PCDH11X: variants seen among roughly 807,000 people sequenced by gnomAD.
PCDH11X encodes protocadherin-11 X-linked.
Under a neutral mutation model 53.3 loss-of-function variants are expected in PCDH11X, and 18 were observed. The observed-to-expected ratio is 0.34, with a 90% CI of 0.23 to 0.50. The LOEUF is 0.50. Ranked by LOEUF, PCDH11X falls within the 20% of genes least tolerant of loss-of-function variation. The probability of loss-of-function intolerance (pLI) is 0.98; values close to 1 mark genes in which losing one functional copy is unlikely to be tolerated. For missense variants in PCDH11X, 570 were observed against 1,032.4 expected, an observed-to-expected ratio of 0.55 and a Z score of 6.14; for synonymous variants, 279 against 393.3, an observed-to-expected ratio of 0.71 and a Z score of 3.44.
chrX:92,432,590 G>GA (rs2148626568), intron 9 of PCDH11X, among the ~76,000 whole-genome samples: 1 of 109,820 alleles, frequency 9.1e-6, no homozygotes, highest in Non-Finnish European at 1.9e-5. Context: ...TGTATGTATG[G>GA]AAAATAGTTG....
intron 6 of PCDH11X, among the ~76,000 whole-genome samples, chrX:91,896,335 T>C (rs1309526828): frequency 9.1e-6 from 1 of 110,141 alleles, no homozygotes; most frequent in Admixed American, 9.8e-5. Flanking sequence ...TTTCAGCATG[T>C]TGGCCAGGCT....
chrX:91,800,749 G>A (rs1157030963), intron 1 of PCDH11X, among the ~76,000 whole-genome samples: 1 of 110,945 alleles, frequency 9.0e-6, no homozygotes, highest in Non-Finnish European at 1.9e-5. Context: ...AAAACCAAAG[G>A]CAAATTAACC....
intron 10 of PCDH11X, among the ~76,000 whole-genome samples, chrX:92,575,197 A>G (rs1182919773): frequency 9.1e-6 from 1 of 110,475 alleles, no homozygotes; most frequent in African/African-American, 3.3e-5. Context: ...TACATTATGT[A>G]TGTAAATAAA....
intron 7 of PCDH11X, among the ~76,000 whole-genome samples, chrX:92,260,336 G>A (rs895218402): frequency 4.5e-5 from 5 of 110,535 alleles, no homozygotes; most frequent in Non-Finnish European, 9.5e-5. Flanking sequence ...GGAGGGCGTC[G>A]GCTGAGTTTT....
At position 92,158,651 on chromosome X, in the gene PCDH11X, T is replaced by A. The variant is rs757071226; in HGVS notation, c.3034-42724T>A. On this transcript the variant is annotated intron_variant, in intron 6 of 10. Coordinates refer to ENST00000682573, the MANE Select transcript of PCDH11X (RefSeq NM_032968.5). ...GTCTTTTTTCAGAATATATATATAT[T>A]TTTGAAACAGAGTCTAGCTCTGTCA... Among the ~76,000 whole-genome samples, 8 of 111,674 alleles carry A rather than the reference T, an allele frequency of 7.2e-5. No individual in the cohort carries two copies. In the South Asian group the frequency reaches 3.0e-3, roughly 42 times the overall value.
chrX:92,172,517 G>A lies in PCDH11X; in HGVS notation c.3034-28858G>A, dbSNP rs1343331163. Among the ~76,000 whole-genome samples the A allele has an allele frequency of 2.8e-5, 3 of 109,034 alleles. No homozygotes were observed. In the East Asian group the frequency reaches 8.7e-4, roughly 31 times the overall value. 94.7% of individuals were successfully genotyped at this position (109,034 alleles called of 115,157 possible). ...GAATCCTCCTGCCTCAGCCTACCGA[G>A]TAACTGGGACTATAGGTGTGTGCCA... On this transcript the variant is annotated intron_variant, in intron 6 of 10. Transcript: ENST00000682573.
At chrX:92,442,459 A>C (rs907042450) in intron 9 of PCDH11X, among the ~76,000 whole-genome samples, 88 of 111,610 alleles carry the variant, frequency 7.9e-4, no homozygotes, top group African/African-American at 2.6e-3. Context: ...AAGTACCACA[A>C]GATCTGATGG....
chrX:92,236,875 G>A (rs180995600), intron 7 of PCDH11X, among the ~76,000 whole-genome samples: 109 of 111,686 alleles, frequency 9.8e-4, no homozygotes, highest in African/African-American at 3.4e-3. Context: ...ATGAGATGCC[G>A]ACTTAGACAA....
At chrX:92,371,311 C>A (rs1473820794) in intron 8 of PCDH11X, among the ~76,000 whole-genome samples, 1 of 100,875 alleles carries the variant, frequency 9.9e-6, no homozygotes, top group African/African-American at 3.6e-5. Flanking sequence ...TTGCGTCTGA[C>A]CTTTTAGAGT....
chrX:92,531,980 A>G (rs2148727031), intron 10 of PCDH11X, among the ~76,000 whole-genome samples: 1 of 110,933 alleles, frequency 9.0e-6, no homozygotes, highest in South Asian at 3.8e-4. Context: ...GACAAAGTGG[A>G]CACTGGAGAA....
chrX:92,164,694 A>G (rs2065701790), intron 6 of PCDH11X, among the ~76,000 whole-genome samples: 2 of 107,913 alleles, frequency 1.9e-5, no homozygotes, highest in South Asian at 4.1e-4. Flanking sequence ...AGAATTCTAT[A>G]TATATTATCA....
intron 9 of PCDH11X, among the ~76,000 whole-genome samples, chrX:92,449,313 T>C (rs1468593930): frequency 1.8e-5 from 2 of 112,057 alleles, no homozygotes; most frequent in Admixed American, 1.9e-4. Flanking sequence ...CAATCTTCTG[T>C]ATTAGAAATT....
intron 6 of PCDH11X, among the ~76,000 whole-genome samples, chrX:91,984,773 G>T (rs1377117911): frequency 4.5e-5 from 5 of 111,512 alleles, no homozygotes; most frequent in Non-Finnish European, 9.4e-5. Flanking sequence ...ACTAACATAG[G>T]CATAGTTCCT....
intron 10 of PCDH11X, 125 bp downstream of exon 10, chrX:92,468,447 A>T: frequency 1.2e-6 from 1 of 811,105 alleles, no homozygotes; most frequent in Non-Finnish European, 1.6e-6. Context: ...TTTGCTTCAA[A>T]CACATTTTTG....
At chrX:92,385,382 G>A (rs779496914) in intron 8 of PCDH11X, among the ~76,000 whole-genome samples, 2 of 103,998 alleles carry the variant, frequency 1.9e-5, no homozygotes, top group South Asian at 4.2e-4. Flanking sequence ...ACAGAAAAAG[G>A]GATATTGACT....
intron 6 of PCDH11X, among the ~76,000 whole-genome samples, chrX:92,038,191 G>A (rs2063156761): frequency 1.8e-5 from 2 of 111,461 alleles, no homozygotes; most frequent in Admixed American, 1.9e-4. Flanking sequence ...ATTTGCACAA[G>A]TAACAAGGAG....
chrX:91,955,542 G>A (rs1302888958), intron 6 of PCDH11X, among the ~76,000 whole-genome samples: 2 of 110,399 alleles, frequency 1.8e-5, no homozygotes, highest in African/African-American at 6.6e-5. Flanking sequence ...AGACATTCAG[G>A]AGCAGGCTGT....
At chrX:92,578,877 A>T (rs1161427207) in intron 10 of PCDH11X, among the ~76,000 whole-genome samples, 1 of 109,801 alleles carries the variant, frequency 9.1e-6, no homozygotes, top group African/African-American at 3.3e-5. Flanking sequence ...TTTGTAGTGG[A>T]TCATAATGGT....
intron 6 of PCDH11X, among the ~76,000 whole-genome samples, chrX:92,193,533 G>A (rs778858958): frequency 9.0e-6 from 1 of 110,777 alleles, no homozygotes; most frequent in East Asian, 2.8e-4. Flanking sequence ...TACTAATTAT[G>A]ACAAAATTTA....
Sources: gnomAD v4.1 joint callset for allele counts (sites outside exome capture counted in the v4.1 genomes callset) on GRCh38, gnomAD v4.1.1 for gene constraint, MANE v1.5 for transcripts, NCBI Gene and HGNC (gene_info 2026-07-23, HGNC 2026-07-21) for gene names.